The following PCDH15 variants were observed in gnomAD, a reference collection of about 807,000 sequenced individuals.
The protein encoded by PCDH15 is protocadherin-15.
PCDH15 carries 129 observed loss-of-function variants against 178.5 expected under a neutral mutation model. That is an observed-to-expected ratio of 0.72 (90% confidence interval 0.63 to 0.84). The LOEUF is 0.84. Among genes scored for constraint, PCDH15 ranks in the 40% least tolerant of loss-of-function variants. The pLI is 0.00. For missense variants in PCDH15, 2,230 were observed against 2,099.9 expected (o/e 1.06, Z -1.21); for synonymous variants, 800 against 732.0 (o/e 1.09, Z -1.50).
intron 3 of PCDH15, among the ~76,000 whole-genome samples, chr10:54,383,617 G>GTA (rs749290404): frequency 1.7e-3 from 131 of 78,930 alleles, no homozygotes; most frequent in South Asian, 4.5e-3. Flanking sequence ...ACCATGCCGT[G>GTA]TATGTGTGTT....
In PCDH15 at chr10:54,766,509, A is replaced by C. The variant is rs764599614; in HGVS notation, c.-29+34416T>G. Among the ~76,000 whole-genome samples, 161 of 152,018 alleles carry C rather than the reference A, an allele frequency of 1.1e-3. 1 individual carries two copies. Among genetic ancestry groups the C allele is most frequent in the Non-Finnish European group, 1.4e-3 (98 of 67,984 alleles). On this transcript the variant is annotated intron_variant, in intron 1 of 37. Transcript: ENST00000644397. ...TTGTCAGGCATAAGAGTTAAATATA[A>C]ATTTATATTCCCCAGGTGAATGCAA...
chr10:54,387,221 C>G (rs1453796402), intron 3 of PCDH15, among the ~76,000 whole-genome samples: 1 of 152,134 alleles, frequency 6.6e-6, no homozygotes, highest in Non-Finnish European at 1.5e-5. Flanking sequence ...CATTTTACTT[C>G]TGAGTATATA....
At chr10:54,742,518 G>A (rs16906489) in intron 1 of PCDH15, among the ~76,000 whole-genome samples, 5,436 of 152,016 alleles carry the variant, frequency 0.036, 338 homozygotes, top group African/African-American at 0.13. Flanking sequence ...ATCGTTGAAT[G>A]TTGAAGACCT....
intron 2 of PCDH15, among the ~76,000 whole-genome samples, chr10:54,922,925 TGG>T (rs1837530736): frequency 6.6e-6 from 1 of 152,162 alleles, no homozygotes; most frequent in Non-Finnish European, 1.5e-5. Flanking sequence ...AGTGCCCCTG[TGG>T]GGACTCTGTG....
At chr10:54,706,647 G>A (rs1055035045) in intron 1 of PCDH15, among the ~76,000 whole-genome samples, 21 of 152,060 alleles carry the variant, frequency 1.4e-4, no homozygotes, top group Middle Eastern at 3.4e-3. Context: ...TTTTCAATAC[G>A]GTGTCTCGCT....
At chr10:54,331,955 T>G (rs977548237) in intron 6 of PCDH15, among the ~76,000 whole-genome samples, 6 of 151,862 alleles carry the variant, frequency 4.0e-5, no homozygotes, top group African/African-American at 1.4e-4. Context: ...ATTGCAAAGA[T>G]AGAGAGAAGC....
chr10:55,131,920 G>A (rs1414905459), intron 2 of PCDH15, among the ~76,000 whole-genome samples: 8 of 152,138 alleles, frequency 5.3e-5, no homozygotes, highest in Non-Finnish European at 1.2e-4. Context: ...TGGCTTGAAG[G>A]TGGGGCTTCA....
At chr10:54,936,742 A>G (rs1837917143) in intron 2 of PCDH15, among the ~76,000 whole-genome samples, 1 of 150,608 alleles carries the variant, frequency 6.6e-6, no homozygotes, top group Non-Finnish European at 1.5e-5. Flanking sequence ...TTTAGTTTTA[A>G]GAGTTTTTTT....
At chr10:54,804,558 CA>C (rs959846120), upstream of PCDH15, among the ~76,000 whole-genome samples, 4 of 148,840 alleles carry the variant, frequency 2.7e-5, no homozygotes, top group Admixed American at 2.0e-4. Context: ...CCTCCCCTTC[CA>C]AAAAAAAAGA....
At chr10:55,094,406 G>T (rs777591566) in intron 2 of PCDH15, among the ~76,000 whole-genome samples, 1 of 151,998 alleles carries the variant, frequency 6.6e-6, no homozygotes, top group Non-Finnish European at 1.5e-5. Flanking sequence ...TAGGGGGATG[G>T]GGGAGGGATA....
intron 2 of PCDH15, among the ~76,000 whole-genome samples, chr10:55,440,728 C>T (rs12414015): frequency 0.039 from 5,998 of 152,134 alleles, 376 homozygotes; most frequent in East Asian, 0.29. Flanking sequence ...TGTATCAGTC[C>T]GTTTTCACAC....
intron 2 of PCDH15, among the ~76,000 whole-genome samples, chr10:55,369,402 C>G (rs1845443510): frequency 6.6e-6 from 1 of 151,756 alleles, no homozygotes; most frequent in Non-Finnish European, 1.5e-5. Context: ...ATATTGAGTA[C>G]CTACAGTTGG....
At chr10:54,170,300 A>C (rs992300492) in intron 13 of PCDH15, among the ~76,000 whole-genome samples, 1 of 152,096 alleles carries the variant, frequency 6.6e-6, no homozygotes, top group Non-Finnish European at 1.5e-5. Context: ...AGGCATGGTT[A>C]GTGTGGTCAG....
intron 17 of PCDH15, among the ~76,000 whole-genome samples, chr10:54,079,037 C>A (rs1218825278): frequency 6.6e-6 from 1 of 152,150 alleles, no homozygotes; most frequent in Admixed American, 6.5e-5. Flanking sequence ...GTGCAAATGA[C>A]AGACACAATG....
At chr10:54,950,193 T>G (rs1838302537) in intron 2 of PCDH15, among the ~76,000 whole-genome samples, 2 of 152,048 alleles carry the variant, frequency 1.3e-5, no homozygotes, top group African/African-American at 4.8e-5. Context: ...TCAGCATGGC[T>G]GGGATCCTTT....
chr10:55,009,910 G>A (rs951499040), intron 2 of PCDH15, among the ~76,000 whole-genome samples: 15 of 152,116 alleles, frequency 9.9e-5, no homozygotes, highest in African/African-American at 3.1e-4. Flanking sequence ...ATAGCATCCT[G>A]CCTTGGAAAA....
chr10:54,777,909 T>A (rs1253853683), intron 1 of PCDH15, among the ~76,000 whole-genome samples: 3 of 152,198 alleles, frequency 2.0e-5, no homozygotes, highest in Non-Finnish European at 2.9e-5. Flanking sequence ...TTTTCTTTAC[T>A]GCAATCAATC....
At chr10:54,192,681 G>GT (rs1242534975) in intron 11 of PCDH15, among the ~76,000 whole-genome samples, 1 of 151,946 alleles carries the variant, frequency 6.6e-6, no homozygotes, top group African/African-American at 2.4e-5. Context: ...TTTATTACTA[G>GT]AAGACTAGGC....
chr10:55,077,875 G>T (rs969671720), intron 2 of PCDH15, among the ~76,000 whole-genome samples: 1 of 151,982 alleles, frequency 6.6e-6, no homozygotes, highest in Non-Finnish European at 1.5e-5. Flanking sequence ...TATCATTTCA[G>T]TTTTTTCTCT....
Sources: gnomAD v4.1 joint callset for allele counts (sites outside exome capture counted in the v4.1 genomes callset) on GRCh38, gnomAD v4.1.1 for gene constraint, MANE v1.5 for transcripts, NCBI Gene and HGNC (gene_info 2026-07-23, HGNC 2026-07-21) for gene names.